Variants in DPP6 observed in about 807,000 individuals in gnomAD.
DPP6 encodes A-type potassium channel modulatory protein DPP6.
A neutral mutation model predicts 122.6 loss-of-function variants in DPP6; 69 were observed. The ratio of observed to expected loss-of-function variants is 0.56; its 90% CI spans 0.46 to 0.69. DPP6 has a LOEUF of 0.69. Ranked by LOEUF, DPP6 falls within the 30% of genes least tolerant of loss-of-function variation. DPP6 has a pLI of 0.00. For synonymous variants in DPP6, 418 were observed against 433.1 expected (o/e 0.97, Z 0.43); for missense variants, 928 against 1,116.9 (o/e 0.83, Z 2.41).
At chr7:153,975,727 T>C (rs55674368) in intron 1 of DPP6, among the ~76,000 whole-genome samples, 92,470 of 151,934 alleles carry the variant, frequency 0.61, 30,276 homozygotes, top group Non-Finnish European at 0.74. Context: ...TCTTTACATC[T>C]TAATTGCAAA....
At chr7:154,808,309 A>G (rs983713113) in intron 16 of DPP6, among the ~76,000 whole-genome samples, 4 of 152,212 alleles carry the variant, frequency 2.6e-5, no homozygotes, top group Admixed American at 2.0e-4. Flanking sequence ...TCCGCAGAAC[A>G]GGGACACTCA....
intron 1 of DPP6, among the ~76,000 whole-genome samples, chr7:154,370,139 T>A (rs1424820430): frequency 6.6e-6 from 1 of 150,544 alleles, no homozygotes; most frequent in Non-Finnish European, 1.5e-5. Context: ...CCCACCATCA[T>A]GCCCAGCTAA....
At chr7:154,643,623 C>T (rs948732058) in intron 6 of DPP6, among the ~76,000 whole-genome samples, 1 of 152,042 alleles carries the variant, frequency 6.6e-6, no homozygotes, top group African/African-American at 2.4e-5. Flanking sequence ...CACCCACCAC[C>T]ACTCCTGGCT....
chr7:154,272,786 G>T (rs1803879239), intron 1 of DPP6, among the ~76,000 whole-genome samples: 1 of 152,150 alleles, frequency 6.6e-6, no homozygotes, highest in African/African-American at 2.4e-5. Flanking sequence ...CCCAGAGGAT[G>T]ATGAGCTGGT....
At chr7:154,250,725 A>G (rs1347531498) in intron 1 of DPP6, among the ~76,000 whole-genome samples, 1 of 152,158 alleles carries the variant, frequency 6.6e-6, no homozygotes, top group Non-Finnish European at 1.5e-5. Flanking sequence ...TCTTGACTGA[A>G]TGAAGTCCCC....
At chr7:154,104,438 C>T (rs1585385466) in intron 1 of DPP6, among the ~76,000 whole-genome samples, 2 of 152,346 alleles carry the variant, frequency 1.3e-5, no homozygotes, top group South Asian at 4.1e-4. Flanking sequence ...AAAGTGGGGC[C>T]AGTGCCCATG....
At chr7:154,333,267 T>C (rs1563496126) in intron 1 of DPP6, among the ~76,000 whole-genome samples, 1 of 151,796 alleles carries the variant, frequency 6.6e-6, no homozygotes, top group Admixed American at 6.6e-5. Context: ...TTTTTTTAAA[T>C]TGAGTGTTAT....
intron 1 of DPP6, among the ~76,000 whole-genome samples, chr7:154,367,341 G>C (rs1383388679): frequency 5.3e-5 from 8 of 152,194 alleles, no homozygotes; most frequent in Admixed American, 2.0e-4. Flanking sequence ...GCCATGTTTT[G>C]AGTTAGTGTA....
At chr7:153,791,692 T>A in the DPP6 span, among the ~76,000 whole-genome samples, 246 of 152,304 alleles carry the variant, frequency 1.6e-3, no homozygotes, top group African/African-American at 5.3e-3. Flanking sequence ...GGTGCTGGGA[T>A]TACAGGCATG....
the DPP6 span, among the ~76,000 whole-genome samples, chr7:153,813,883 T>C: frequency 2.0e-5 from 3 of 152,198 alleles, no homozygotes; most frequent in Admixed American, 2.0e-4. Context: ...GTTTGTTTTT[T>C]TCTTGTAAAT....
chr7:154,254,941 G>T (rs906799478), intron 1 of DPP6, among the ~76,000 whole-genome samples: 1 of 152,038 alleles, frequency 6.6e-6, no homozygotes, highest in South Asian at 2.1e-4. Flanking sequence ...AACGCAAATT[G>T]TATTTCCTTT....
Position 154,868,099 on chromosome 7 carries a change from T to A in DPP6, c.1813+6T>A. ...CATTGAGATTGATGATTACAGTAAG[T>A]ACTACGTTTTTCCCCTCTAAAAGAA... On this transcript the variant is annotated splice_donor_region_variant and intron_variant, in intron 18 of 25. Coordinates refer to ENST00000377770, the MANE Select transcript of DPP6 (RefSeq NM_130797.4). 6.3e-7 allele frequency: 1 copy of A among 1,596,478 alleles called. No homozygotes were observed. The highest frequency in any genetic ancestry group is 8.5e-7 in the Non-Finnish European group (1 of 1,171,390).
At chr7:154,231,342 C>T (rs1037693790) in intron 1 of DPP6, among the ~76,000 whole-genome samples, 8 of 152,168 alleles carry the variant, frequency 5.3e-5, no homozygotes, top group African/African-American at 1.9e-4. Flanking sequence ...AGAGTTCTTA[C>T]AGGCACGCTG....
chr7:154,532,108 A>G (rs1298212915), intron 3 of DPP6, among the ~76,000 whole-genome samples: 1 of 152,082 alleles, frequency 6.6e-6, no homozygotes, highest in East Asian at 1.9e-4. Context: ...TATTATCCAT[A>G]AAAATGACGT....
chr7:154,716,616 T>C (rs1226168173), intron 7 of DPP6, among the ~76,000 whole-genome samples: 1 of 152,172 alleles, frequency 6.6e-6, no homozygotes, highest in Non-Finnish European at 1.5e-5. Flanking sequence ...GTGGTATCTT[T>C]AATGATCAAC....
At chr7:154,195,098 T>C (rs1798799784) in intron 1 of DPP6, among the ~76,000 whole-genome samples, 1 of 152,216 alleles carries the variant, frequency 6.6e-6, no homozygotes, top group African/African-American at 2.4e-5. Context: ...TCTATCTTTT[T>C]TTTCTAGAAG....
the DPP6 span, among the ~76,000 whole-genome samples, chr7:153,821,962 G>T: frequency 6.6e-6 from 1 of 152,126 alleles, no homozygotes. Flanking sequence ...TACAGCGCAA[G>T]CCTCTCCAGG....
intron 1 of DPP6, among the ~76,000 whole-genome samples, chr7:153,989,205 G>T (rs1797013845): frequency 7.2e-6 from 1 of 138,816 alleles, no homozygotes; most frequent in Non-Finnish European, 1.5e-5. Context: ...GGGTGGGTGG[G>T]TGTGAAAATG....
At chr7:154,706,454 A>G (rs1293581974) in intron 7 of DPP6, among the ~76,000 whole-genome samples, 2 of 151,934 alleles carry the variant, frequency 1.3e-5, no homozygotes, top group Non-Finnish European at 2.9e-5. Context: ...CAATTCCCAG[A>G]CTGGAGAATG....
Sources: gnomAD v4.1 joint callset for allele counts (sites outside exome capture counted in the v4.1 genomes callset) on GRCh38, gnomAD v4.1.1 for gene constraint, MANE v1.5 for transcripts, NCBI Gene and HGNC (gene_info 2026-07-23, HGNC 2026-07-21) for gene names.